The following PLD1 variants were observed in gnomAD, a reference collection of about 807,000 sequenced individuals.
PLD1 encodes the protein choline phosphatase 1.
PLD1 carries 112 observed loss-of-function variants against 137.1 expected under a neutral mutation model. That is an observed-to-expected ratio of 0.82 (90% CI 0.70 to 0.96). The LOEUF (loss-of-function observed/expected upper bound fraction) is 0.96. Among genes scored for constraint, PLD1 ranks in the 40% least tolerant of loss-of-function variants. The pLI is 0.00. For synonymous variants in PLD1, 431 were observed against 454.7 expected (o/e 0.95, Z 0.66); for missense variants, 1,321 against 1,342.0 (o/e 0.98, Z 0.24).
intron 16 of PLD1, among the ~76,000 whole-genome samples, chr3:171,682,899 T>C (rs1714158596): frequency 6.6e-6 from 1 of 152,218 alleles, no homozygotes; most frequent in Admixed American, 6.5e-5. Context: ...GTAAACTGTT[T>C]TCATTTTAAA....
In PLD1 at chr3:171,659,229, T is replaced by A. The variant is rs1425488980; in HGVS notation, c.2413A>T (p.Ile805Phe). Residue 805 changes from isoleucine to phenylalanine, a missense_variant, in exon 21 of 27, where the codon ATC becomes TTC. Physicochemically the swap from Ile to Phe is conservative, Grantham distance 21 (BLOSUM62 0). Coordinates refer to ENST00000351298, the MANE Select transcript of PLD1 (RefSeq NM_002662.5). ...NKIGDAIAQRILKAHRENQKY... is the reference protein window; with the variant it reads ...NKIGDAIAQRFLKAHRENQKY... ...GGCTGTTACCTGTGAGCTTTCAGGA[T>A]CCTCTGGGCAATGGCATCGCCTATC... 1 of 1,611,754 alleles carries A rather than the reference T, an allele frequency of 6.2e-7. No individual in the cohort carries two copies. The highest frequency in any genetic ancestry group is 1.7e-5 in the Admixed American group (1 of 60,018).
chr3:171,632,753 T>C (rs1405377115), intron 23 of PLD1, among the ~76,000 whole-genome samples: 1 of 152,212 alleles, frequency 6.6e-6, no homozygotes, highest in Admixed American at 6.5e-5. Flanking sequence ...TCAAAATTAA[T>C]TTTTTTAAGA....
chr3:171,715,773 A>C (rs555329018), intron 8 of PLD1, among the ~76,000 whole-genome samples: 39 of 151,950 alleles, frequency 2.6e-4, no homozygotes, highest in African/African-American at 8.7e-4. Flanking sequence ...TTTTCTTTTA[A>C]CTTTTACTTT....
rs560378459 is a variant in PLD1 at position 171,801,911 on chromosome 3, C to T, written c.-32+8488G>A. Among the ~76,000 whole-genome samples, 21 of 152,340 alleles carry T rather than the reference C, an allele frequency of 1.4e-4. No homozygotes were observed. In the South Asian group the frequency reaches 3.1e-3, roughly 23 times the overall value. On this transcript the variant is annotated intron_variant, in intron 1 of 26. Coordinates refer to ENST00000351298, the MANE Select transcript of PLD1 (RefSeq NM_002662.5). ...TATCACAGATTATACACCCACATGA[C>T]AGATGCAACTGAAACAAGTTTTTGC...
At chr3:171,696,917 A>G (rs1021172814) in intron 12 of PLD1, among the ~76,000 whole-genome samples, 6 of 152,254 alleles carry the variant, frequency 3.9e-5, no homozygotes, top group Non-Finnish European at 5.9e-5. Context: ...GTTATCAGGC[A>G]ATAACGTTTA....
At chr3:171,686,615 T>C (rs1299613497) in intron 16 of PLD1, 70 bp downstream of exon 16, 2 of 786,114 alleles carry the variant, frequency 2.5e-6, no homozygotes, top group South Asian at 1.7e-5. Context: ...ACATTCACTA[T>C]GCCCATGCAG....
intron 5 of PLD1, among the ~76,000 whole-genome samples, chr3:171,733,738 T>C (rs1485439573): frequency 6.6e-6 from 1 of 152,244 alleles, no homozygotes; most frequent in African/African-American, 2.4e-5. Context: ...ACTTTCCATA[T>C]GCTTAGGTCT....
At chr3:171,794,237 C>T (rs991750781) in intron 1 of PLD1, among the ~76,000 whole-genome samples, 2 of 151,438 alleles carry the variant, frequency 1.3e-5, no homozygotes, top group African/African-American at 4.8e-5. Flanking sequence ...TTATAGTATA[C>T]CATTATAACT....
At chr3:171,682,477 C>T (rs369935130) in intron 16 of PLD1, among the ~76,000 whole-genome samples, 6 of 152,302 alleles carry the variant, frequency 3.9e-5, no homozygotes, top group East Asian at 3.9e-4. Context: ...GAGAGGCTAA[C>T]TCTCTTTGCA....
chr3:171,778,020 T>C (rs1722648905), intron 1 of PLD1, among the ~76,000 whole-genome samples: 2 of 152,228 alleles, frequency 1.3e-5, no homozygotes, highest in African/African-American at 4.8e-5. Context: ...AAAAAGCATA[T>C]AGCAAAAATT....
At chr3:171,651,182 C>G (rs934696014) in intron 21 of PLD1, among the ~76,000 whole-genome samples, 7 of 152,196 alleles carry the variant, frequency 4.6e-5, no homozygotes, top group Non-Finnish European at 1.0e-4. Context: ...AGTGACAAGA[C>G]ACTTTATTTT....
chr3:171,697,686 A>C (rs1715879364), intron 12 of PLD1, among the ~76,000 whole-genome samples: 1 of 152,150 alleles, frequency 6.6e-6, no homozygotes, highest in Non-Finnish European at 1.5e-5. Context: ...TACACCTAGA[A>C]AGTTCTTCTT....
chr3:171,794,727 C>A (rs1723360568), intron 1 of PLD1, among the ~76,000 whole-genome samples: 1 of 151,862 alleles, frequency 6.6e-6, no homozygotes, highest in African/African-American at 2.4e-5. Context: ...AAGATGTTCC[C>A]TGAACAAGTA....
At chr3:171,608,193 T>TA (rs1288011814) in intron 25 of PLD1, among the ~76,000 whole-genome samples, 1 of 152,084 alleles carries the variant, frequency 6.6e-6, no homozygotes, top group Admixed American at 6.6e-5. Context: ...AGATCAGCAT[T>TA]AAAAAAATGA....
Position 171,692,590 on chromosome 3 carries a change from G to A in PLD1, c.1228-148C>T, listed in dbSNP as rs191855211. ...GCCTGGAGTGCAGTGGCGCAATCTC[G>A]GCTCACTGCAACCTCCACCTCTCGG... On this transcript the variant is annotated intron_variant, in intron 12 of 26. Transcript: ENST00000351298. 5.6e-4 allele frequency: 319 copies of A among 568,082 alleles called. No homozygotes were observed. The East Asian group carries it at 8.3e-3, about 15-fold the overall frequency. The allele number at this position is 568,082 out of a possible 1,614,324, so 35.2% of individuals were successfully genotyped here.
intron 1 of PLD1, among the ~76,000 whole-genome samples, chr3:171,800,303 G>T (rs1723593704): frequency 6.6e-6 from 1 of 152,188 alleles, no homozygotes; most frequent in South Asian, 2.1e-4. Flanking sequence ...CCGTCTCCCT[G>T]GTTCAAGCAA....
At chr3:171,614,888 G>A (rs1040002569) in intron 24 of PLD1, among the ~76,000 whole-genome samples, 6 of 152,160 alleles carry the variant, frequency 3.9e-5, no homozygotes, top group Non-Finnish European at 7.4e-5. Flanking sequence ...CGACACTCCC[G>A]AGGTGAGGAA....
chr3:171,658,093 G>C (rs1737364405), intron 21 of PLD1, among the ~76,000 whole-genome samples: 1 of 151,912 alleles, frequency 6.6e-6, no homozygotes, highest in African/African-American at 2.4e-5. Flanking sequence ...AAATTCAAAT[G>C]AAAATCACAA....
At chr3:171,720,054 G>A (rs894715145) in intron 8 of PLD1, among the ~76,000 whole-genome samples, 3 of 152,110 alleles carry the variant, frequency 2.0e-5, no homozygotes, top group African/African-American at 7.2e-5. Flanking sequence ...CAGCACTTTG[G>A]AAGGCCAAGG....
Sources: allele counts gnomAD v4.1 joint callset (sites outside exome capture counted in the v4.1 genomes callset), GRCh38; gene constraint gnomAD v4.1.1; transcripts MANE v1.5; gene names NCBI Gene and HGNC (gene_info 2026-07-23, HGNC 2026-07-21).